The following DYNC2H1 variants were observed in gnomAD, a reference collection of about 807,000 sequenced individuals.
DYNC2H1 encodes the protein cytoplasmic dynein 2 heavy chain 1.
Under a neutral mutation model 570.0 loss-of-function variants are expected in DYNC2H1, and 410 were observed. The ratio of observed to expected loss-of-function variants is 0.72; its 90% CI spans 0.66 to 0.78. DYNC2H1 has a LOEUF of 0.78. Among genes scored for constraint, DYNC2H1 ranks in the 30% least tolerant of loss-of-function variants. DYNC2H1 has a pLI of 0.00. For synonymous variants in DYNC2H1, 1,688 were observed against 1,677.6 expected (o/e 1.01, Z -0.15); for missense variants, 4,865 against 5,046.4 (o/e 0.96, Z 1.09).
intron 83 of DYNC2H1, among the ~76,000 whole-genome samples, chr11:103,366,977 A>G (rs1486820742): frequency 1.3e-5 from 2 of 152,108 alleles, no homozygotes; most frequent in Non-Finnish European, 2.9e-5. Context: ...ATAACGTAAC[A>G]AAAAATAGGT....
intron 84 of DYNC2H1, among the ~76,000 whole-genome samples, chr11:103,429,889 T>C (rs898411865): frequency 1.3e-5 from 2 of 152,304 alleles, no homozygotes; most frequent in South Asian, 4.1e-4. Flanking sequence ...AAAAACCTTG[T>C]GCAACTGCTA....
chr11:103,410,118 C>G (rs1303153348), intron 84 of DYNC2H1, among the ~76,000 whole-genome samples: 4 of 152,052 alleles, frequency 2.6e-5, no homozygotes, highest in African/African-American at 9.7e-5. Flanking sequence ...TCCAAATGCA[C>G]TTTCCAGTAT....
chr11:103,158,856 ATATCT>A, intron 27 of DYNC2H1, 47 bp downstream of exon 27: 1 of 1,491,972 alleles, frequency 6.7e-7, no homozygotes, highest in African/African-American at 1.4e-5. Flanking sequence ...AAAGTACTTG[ATATCT>A]TAATTATCTG....
At chr11:103,343,887 A>C (rs896186418) in intron 82 of DYNC2H1, among the ~76,000 whole-genome samples, 3 of 152,216 alleles carry the variant, frequency 2.0e-5, no homozygotes, top group African/African-American at 7.2e-5. Flanking sequence ...TGGCTATAAG[A>C]GAAGTGTCAT....
chr11:103,117,134 G>A (rs964565883), intron 5 of DYNC2H1, among the ~76,000 whole-genome samples: 1 of 149,046 alleles, frequency 6.7e-6, no homozygotes, highest in Non-Finnish European at 1.5e-5. Context: ...ATGAGCAGAA[G>A]TAAATAGCAA....
At chr11:103,397,987 T>TAAAAA (rs1365879308) in intron 83 of DYNC2H1, among the ~76,000 whole-genome samples, 1 of 152,212 alleles carries the variant, frequency 6.6e-6, no homozygotes, top group Non-Finnish European at 1.5e-5. Flanking sequence ...AGTTTGAGTG[T>TAAAAA]TTTTGTTCTA....
At position 103,243,451 on chromosome 11, in the gene DYNC2H1, T is replaced by A. The variant is rs12790546; in HGVS notation, c.9820-242T>A. ...GTGTTAAGTAGGACTGTACTCTCTATACTCTGGCTAAATGTAATTACCTAA... is the reference window on the plus strand; with the variant it reads ...GTGTTAAGTAGGACTGTACTCTCTAAACTCTGGCTAAATGTAATTACCTAA... On this transcript the variant is annotated intron_variant, in intron 63 of 88. Coordinates refer to ENST00000375735, the MANE Select transcript of DYNC2H1 (RefSeq NM_001377.3). This position sits in a 1 kb window ranked among gnomAD's most constrained non-coding sequence, Gnocchi z 4.8. Among the ~76,000 whole-genome samples, 4 of 152,168 alleles carry A rather than the reference T, an allele frequency of 2.6e-5. No individual in the cohort carries two copies. Among genetic ancestry groups the A allele is most frequent in the Non-Finnish European group, 5.9e-5 (4 of 68,024 alleles).
intron 83 of DYNC2H1, among the ~76,000 whole-genome samples, chr11:103,384,385 C>T (rs565293603): frequency 3.9e-5 from 6 of 152,076 alleles, no homozygotes; most frequent in South Asian, 2.1e-4. Flanking sequence ...TTAACTTTCT[C>T]GAGTTTTTCT....
intron 85 of DYNC2H1, among the ~76,000 whole-genome samples, chr11:103,453,721 A>G (rs1202562003): frequency 6.6e-6 from 1 of 150,888 alleles, no homozygotes; most frequent in Non-Finnish European, 1.5e-5. Context: ...AAATAGTAGT[A>G]TAGTTGGAAA....
intron 43 of DYNC2H1, 43 bp downstream of exon 43, chr11:103,187,629 A>T: frequency 6.3e-7 from 1 of 1,583,794 alleles, no homozygotes; most frequent in East Asian, 2.3e-5. Flanking sequence ...ATTGGAAACA[A>T]TTTAATTTCA....
At chr11:103,116,922 A>G (rs985793727) in intron 5 of DYNC2H1, among the ~76,000 whole-genome samples, 1 of 151,824 alleles carries the variant, frequency 6.6e-6, no homozygotes, top group Non-Finnish European at 1.5e-5. Context: ...TGATATAACC[A>G]AATTTACATA....
In DYNC2H1 at chr11:103,257,650, A is replaced by T. The variant is rs1168216210; in HGVS notation, c.10504A>T (p.Met3502Leu). 2 of 1,613,184 alleles carry T rather than the reference A, an allele frequency of 1.2e-6. No individual in the cohort carries two copies. Among genetic ancestry groups the T allele is most frequent in the Non-Finnish European group, 1.7e-6 (2 of 1,179,376 alleles). ...YLPLAESASK[M>L]YFIISDLSKI... is the part of the protein sequence containing the mutation. ...CCCCCTGGCTGAGAGTGCCAGCAAGATGTACTTCATTATTTCTGATTTGTC... is the reference window on the plus strand; with the variant it reads ...CCCCCTGGCTGAGAGTGCCAGCAAGTTGTACTTCATTATTTCTGATTTGTC... Residue 3502 changes from methionine to leucine, a missense_variant, in exon 69 of 89, where the codon ATG (methionine) becomes TTG (leucine). By Grantham distance (15) the Met-to-Leu change is conservative. Transcript: ENST00000375735.
rs961953430 is a variant in DYNC2H1, at chr11:103,280,966, C to T, written c.10761+553C>T. Reference sequence around the variant, plus strand: ...AGGACCTCCCTTGAGCTGGAGCTAACGAGACCATTTCTTGTCTGCTTACAA... The same window carrying T: ...AGGACCTCCCTTGAGCTGGAGCTAATGAGACCATTTCTTGTCTGCTTACAA... On this transcript the variant is annotated intron_variant, in intron 71 of 88. Coordinates refer to ENST00000375735, the MANE Select transcript of DYNC2H1 (RefSeq NM_001377.3). This position sits in a 1 kb window ranked among gnomAD's most constrained non-coding sequence, Gnocchi z 4.7. Among the ~76,000 whole-genome samples, 15 of 151,890 alleles carry T rather than the reference C, an allele frequency of 9.9e-5. No individual in the cohort carries two copies. Among genetic ancestry groups the T allele is most frequent in the South Asian group, 2.1e-4 (1 of 4,820 alleles).
intron 18 of DYNC2H1, among the ~76,000 whole-genome samples, chr11:103,143,670 T>A (rs1052011479): frequency 3.9e-5 from 6 of 152,166 alleles, no homozygotes; most frequent in African/African-American, 1.4e-4. Context: ...TTGATATGCA[T>A]TGGCACAATC....
rs1862729580 is a variant in DYNC2H1 at position 103,201,806 on chromosome 11, A to T, written c.8197+1652A>T. On this transcript the variant is annotated intron_variant, in intron 50 of 88. Transcript: ENST00000375735. The surrounding 1 kb of genome is among the most constrained non-coding windows in gnomAD (Gnocchi z 4.8). ...AGTTTGTTAGAATATTTCTATGAGT[A>T]ATCACTGTTAGTGATTGGGAGGAAG... is the stretch of plus-strand genomic sequence containing the variant. Among the ~76,000 whole-genome samples, 1 of 152,124 alleles carries T rather than the reference A, an allele frequency of 6.6e-6. No homozygotes were observed. The highest frequency in any genetic ancestry group is 1.5e-5 in the Non-Finnish European group (1 of 68,002).
intron 52 of DYNC2H1, among the ~76,000 whole-genome samples, chr11:103,206,322 C>T (rs1379691750): frequency 6.6e-6 from 1 of 152,018 alleles, no homozygotes; most frequent in Non-Finnish European, 1.5e-5. Context: ...ATGAGGCCTT[C>T]AGTTTTAGAT....
At chr11:103,258,521 G>A (rs1865150536) in intron 69 of DYNC2H1, among the ~76,000 whole-genome samples, 1 of 152,184 alleles carries the variant, frequency 6.6e-6, no homozygotes, top group South Asian at 2.1e-4. Context: ...GAGAGGACTT[G>A]AGAGTTGAGG....
chr11:103,314,517 T>C (rs1439765543), intron 79 of DYNC2H1, among the ~76,000 whole-genome samples: 4 of 152,082 alleles, frequency 2.6e-5, no homozygotes, highest in Non-Finnish European at 5.9e-5. Flanking sequence ...GCATGCTTCA[T>C]TTAACACCTA....
chr11:103,428,444 GTCTT>G (rs1943760722), intron 84 of DYNC2H1, among the ~76,000 whole-genome samples: 1 of 152,076 alleles, frequency 6.6e-6, no homozygotes, highest in South Asian at 2.1e-4. Flanking sequence ...GAAATTAGTA[GTCTT>G]TCTTAACCTT....
Sources: allele counts gnomAD v4.1 joint callset (sites outside exome capture counted in the v4.1 genomes callset), GRCh38; gene constraint gnomAD v4.1.1; non-coding constraint Gnocchi (gnomAD v3.1); transcripts MANE v1.5; gene names NCBI Gene and HGNC (gene_info 2026-07-23, HGNC 2026-07-21).